The following ST6GALNAC5 variants were observed in gnomAD, a reference collection of about 807,000 sequenced individuals.
ST6GALNAC5 encodes the protein alpha-N-acetylgalactosaminide alpha-2,6-sialyltransferase 5.
In ST6GALNAC5, 27 loss-of-function variants were observed where a neutral mutation model predicts 33.6. The observed-to-expected ratio is 0.80, with a 90% CI of 0.59 to 1.11. The LOEUF (loss-of-function observed/expected upper bound fraction) is 1.11, where lower values mean the gene tolerates loss of function less well. Ranked by LOEUF, ST6GALNAC5 falls within the 50% of genes least tolerant of loss-of-function variation. The pLI, the probability that ST6GALNAC5 is intolerant of heterozygous loss-of-function variation, is 0.00. For missense variants in ST6GALNAC5, 428 were observed against 454.0 expected, an observed-to-expected ratio of 0.94 and a Z score of 0.52; for synonymous variants, 194 against 171.2, an observed-to-expected ratio of 1.13 and a Z score of -1.04.
intron 2 of ST6GALNAC5, among the ~76,000 whole-genome samples, chr1:76,998,376 AC>A (rs1274690342): frequency 6.6e-6 from 1 of 152,192 alleles, no homozygotes; most frequent in East Asian, 1.9e-4. Flanking sequence ...AGCCTGGGTG[AC>A]AGGGTGAGAC....
At chr1:76,925,508 A>G (rs1239343162) in intron 2 of ST6GALNAC5, among the ~76,000 whole-genome samples, 2 of 152,102 alleles carry the variant, frequency 1.3e-5, no homozygotes, top group African/African-American at 2.4e-5. Context: ...TCTTTGCTTT[A>G]AAATTTCAAA....
At chr1:77,050,457 A>C in intron 4 of ST6GALNAC5, 92 bp downstream of exon 4, 1 of 1,244,562 alleles carries the variant, frequency 8.0e-7, no homozygotes, top group African/African-American at 1.5e-5. Context: ...AACATGTCTA[A>C]CTGTCTTCTT....
chr1:76,988,082 T>A (rs900082457), intron 2 of ST6GALNAC5, among the ~76,000 whole-genome samples: 4 of 152,134 alleles, frequency 2.6e-5, no homozygotes, highest in Non-Finnish European at 5.9e-5. Context: ...TTTTTTTTTC[T>A]TTGTCTTTGA....
At chr1:77,053,868 CT>C (rs56155335) in intron 4 of ST6GALNAC5, among the ~76,000 whole-genome samples, 10,829 of 152,200 alleles carry the variant, frequency 0.071, 529 homozygotes, top group Middle Eastern at 0.11. Flanking sequence ...ATCTCATGGG[CT>C]GCTCAAAGTG....
intron 2 of ST6GALNAC5, among the ~76,000 whole-genome samples, chr1:76,944,638 A>G (rs1477771457): frequency 3.3e-5 from 5 of 152,144 alleles, no homozygotes; most frequent in African/African-American, 4.8e-5. Context: ...CATCTGAAGA[A>G]TGAGCCTTCC....
chr1:76,871,694 T>A (rs1282536628), intron 2 of ST6GALNAC5, among the ~76,000 whole-genome samples: 2 of 152,200 alleles, frequency 1.3e-5, no homozygotes, highest in African/African-American at 2.4e-5. Context: ...AGGCTTAAAA[T>A]ATCACTTTTC....
intron 3 of ST6GALNAC5, among the ~76,000 whole-genome samples, chr1:77,046,973 C>T (rs1652034710): frequency 6.6e-6 from 1 of 152,184 alleles, no homozygotes; most frequent in Non-Finnish European, 1.5e-5. Context: ...CAAGGCATAT[C>T]CTGCTCACTA....
At chr1:76,899,188 A>G (rs1646789215) in intron 2 of ST6GALNAC5, among the ~76,000 whole-genome samples, 1 of 152,168 alleles carries the variant, frequency 6.6e-6, no homozygotes, top group Non-Finnish European at 1.5e-5. Context: ...ATTTTAGGTC[A>G]GGTGAGAGTT....
chr1:76,944,730 G>A (rs955793571), intron 2 of ST6GALNAC5, among the ~76,000 whole-genome samples: 1 of 152,102 alleles, frequency 6.6e-6, no homozygotes, highest in Non-Finnish European at 1.5e-5. Flanking sequence ...TCAGGTTAAC[G>A]TGAGATAAGA....
intron 2 of ST6GALNAC5, among the ~76,000 whole-genome samples, chr1:76,884,647 C>A (rs1653853320): frequency 2.0e-5 from 3 of 152,122 alleles, no homozygotes; most frequent in African/African-American, 7.2e-5. Flanking sequence ...TTTGCTTCTT[C>A]CCAGTATCAG....
chr1:76,952,552 G>T (rs1647791759), intron 2 of ST6GALNAC5, among the ~76,000 whole-genome samples: 1 of 151,934 alleles, frequency 6.6e-6, no homozygotes, highest in Admixed American at 6.6e-5. Flanking sequence ...GATATTGAAT[G>T]GTCTCAACCC....
rs1426696092 is a variant in ST6GALNAC5 at position 77,066,869 on chromosome 1, G to A, written c.*3663G>A. Among the ~76,000 whole-genome samples the A allele has an allele frequency of 6.6e-6, 1 of 152,094 alleles. No homozygotes were observed. Among genetic ancestry groups the A allele is most frequent in the African/African-American group, 2.4e-5 (1 of 41,396 alleles). On this transcript the variant is annotated 3_prime_UTR_variant, in exon 5 of 5. Coordinates refer to ENST00000477717, the MANE Select transcript of ST6GALNAC5 (RefSeq NM_030965.3). ...TGCTCCTAAACCAGCAGTCTTTGGT[G>A]CTGTTAAGGTCTTCCTTGTAGGTTT...
At chr1:76,956,675 C>T (rs1648004916) in intron 2 of ST6GALNAC5, among the ~76,000 whole-genome samples, 1 of 152,096 alleles carries the variant, frequency 6.6e-6, no homozygotes, top group Admixed American at 6.6e-5. Context: ...CCATTATTCT[C>T]TTTCTAGAAC....
intron 2 of ST6GALNAC5, among the ~76,000 whole-genome samples, chr1:76,922,672 G>C (rs931575145): frequency 6.6e-6 from 1 of 152,080 alleles, no homozygotes; most frequent in Non-Finnish European, 1.5e-5. Flanking sequence ...CTCAGAAATA[G>C]ACCCACACAA....
At chr1:76,956,757 C>T (rs115902596) in intron 2 of ST6GALNAC5, among the ~76,000 whole-genome samples, 1,709 of 152,246 alleles carry the variant, frequency 0.011, 34 homozygotes, top group African/African-American at 0.039. Context: ...ACAACCATCT[C>T]CTCCAAAAAT....
chr1:76,900,784 T>C (rs1406946577), intron 2 of ST6GALNAC5, among the ~76,000 whole-genome samples: 2 of 152,218 alleles, frequency 1.3e-5, no homozygotes, highest in Admixed American at 1.3e-4. Context: ...TCCTCAGTAA[T>C]TAAAAAATCA....
intron 2 of ST6GALNAC5, among the ~76,000 whole-genome samples, chr1:76,971,500 G>C (rs1339185702): frequency 6.6e-6 from 1 of 152,138 alleles, no homozygotes; most frequent in Non-Finnish European, 1.5e-5. Context: ...TATTTATTAA[G>C]ATGATTATAT....
chr1:76,918,532 C>T (rs1646997229), intron 2 of ST6GALNAC5, among the ~76,000 whole-genome samples: 2 of 149,746 alleles, frequency 1.3e-5, no homozygotes, highest in Non-Finnish European at 3.0e-5. Context: ...GCAGGAGAAT[C>T]GCTTGAACCC....
At chr1:76,917,543 T>G (rs1464390359) in intron 2 of ST6GALNAC5, among the ~76,000 whole-genome samples, 1 of 152,060 alleles carries the variant, frequency 6.6e-6, no homozygotes, top group Non-Finnish European at 1.5e-5. Flanking sequence ...TAATTTAAAA[T>G]TTTGATGTCT....
Sources: gnomAD v4.1 joint callset for allele counts (sites outside exome capture counted in the v4.1 genomes callset) on GRCh38, gnomAD v4.1.1 for gene constraint, MANE v1.5 for transcripts, NCBI Gene and HGNC (gene_info 2026-07-23, HGNC 2026-07-21) for gene names.